CLCN2: variants seen among roughly 807,000 people sequenced by gnomAD.
The protein encoded by CLCN2 is chloride channel protein 2.
CLCN2 carries 72 observed loss-of-function variants against 108.3 expected under a neutral mutation model. The observed-to-expected ratio is 0.66, with a 90% CI of 0.55 to 0.81. CLCN2 has a LOEUF of 0.81. Ranked by LOEUF, CLCN2 falls within the 30% of genes least tolerant of loss-of-function variation. The pLI is 0.00. For synonymous variants in CLCN2, 471 were observed against 467.1 expected (o/e 1.01, Z -0.11); for missense variants, 1,048 against 1,205.2 (o/e 0.87, Z 1.93).
At position 184,358,191 on chromosome 3, in the gene CLCN2, G is replaced by A; in HGVS notation, c.472C>T (p.Gln158Ter). ...TTCTCTTCTAACATACCGACAGCCT[G>A]AGGGGCCAGGATCTGTGTGAATCCG... ...SAGFTQILAPQAVGSGIPEMK... is the reference protein window; with the variant it reads ...SAGFTQILAP Residue 158 changes from glutamine to a stop codon, truncating the protein, a stop_gained, in exon 4 of 24, where the codon CAG becomes TAG. Coordinates refer to ENST00000265593, the MANE Select transcript of CLCN2 (RefSeq NM_004366.6). LOFTEE classifies it high-confidence loss of function. 6.2e-7 allele frequency: 1 copy of A among 1,614,158 alleles called. No individual in the cohort carries two copies. The highest frequency in any genetic ancestry group is 1.3e-5 in the African/African-American group (1 of 75,034).
intron 22 of CLCN2, chr3:184,347,890 T>C (rs1193006656): frequency 1.3e-5 from 2 of 152,238 alleles, no homozygotes; most frequent in Non-Finnish European, 2.9e-5. Flanking sequence ...CAGTTCTCCT[T>C]ATGCTTTAAG....
chr3:184,347,007 G>C lies in CLCN2; in HGVS notation c.2430C>G (p.Phe810Leu). Residue 810 changes from phenylalanine to leucine, a missense_variant, in exon 23 of 24, where the codon TTC becomes TTG. By Grantham distance (22) the Phe-to-Leu change is conservative (BLOSUM62 0). Coordinates refer to ENST00000265593, the MANE Select transcript of CLCN2 (RefSeq NM_004366.6). ...RTSLHKTHTI[F>L]SLLGVDHAYV... Reference sequence around the variant, plus strand: ...AAGCATGGTCCACTCCCAGCAGTGAGAAGATAGTGTGAGTCTGCAGTGTGG... The same window carrying C: ...AAGCATGGTCCACTCCCAGCAGTGACAAGATAGTGTGAGTCTGCAGTGTGG... The C allele has an allele frequency of 1.2e-6, 2 of 1,613,948 alleles. No homozygotes were observed. Among genetic ancestry groups the C allele is most frequent in the Non-Finnish European group, 1.7e-6 (2 of 1,179,814 alleles).
intron 22 of CLCN2, 134 bp downstream of exon 22, chr3:184,351,879 A>G (rs1728123857): frequency 2.6e-6 from 2 of 759,762 alleles, no homozygotes; most frequent in Non-Finnish European, 4.8e-6. Flanking sequence ...TGTCTAAAAA[A>G]CATCTCCGCA....
At position 184,352,982 on chromosome 3, in the gene CLCN2, G is replaced by C. The variant is rs377140170; in HGVS notation, c.2143+51C>G. ...ACAGGGCTGGGCAGGGACTCTAATG[G>C]ATCTCAGTAGCTTGGCTGAGGCTCT... is the stretch of plus-strand genomic sequence containing the variant. On this transcript the variant is annotated intron_variant, in intron 18 of 23. Coordinates refer to ENST00000265593, the MANE Select transcript of CLCN2 (RefSeq NM_004366.6). The C allele has an allele frequency of 2.5e-6, 4 of 1,571,458 alleles. No homozygotes were observed. In the East Asian group the frequency reaches 9.0e-5, roughly 35 times the overall value.
rs757243632 is a variant in CLCN2 at position 184,354,595 on chromosome 3, G to C, written c.1460C>G (p.Thr487Arg). The change falls in exon 14 of 24, where the codon ACG becomes AGG. Residue 487 changes from threonine (T) to arginine (R), a missense_variant. Thr to Arg is a moderately conservative substitution (Grantham distance 71). Coordinates refer to ENST00000265593, the MANE Select transcript of CLCN2 (RefSeq NM_004366.6). ...MAAWFPDGIH[T>R]DSSTYRIVPG... is the part of the protein sequence containing the mutation. ...CACAATCCGGTAGGTGCTGCTGTCCGTATGAATTCCATCTGGGAACCAGGC... is the reference window on the plus strand; with the variant it reads ...CACAATCCGGTAGGTGCTGCTGTCCCTATGAATTCCATCTGGGAACCAGGC... 4 of 1,612,706 alleles carry C rather than the reference G, an allele frequency of 2.5e-6. No homozygotes were observed. Among genetic ancestry groups the C allele is most frequent in the East Asian group, 2.2e-5 (1 of 44,794 alleles).
In CLCN2 at chr3:184,358,722, G is replaced by A. The variant is rs1374464528; in HGVS notation, c.312C>T (p.Val104=). Residue 104 remains valine (V), a synonymous_variant, in exon 3 of 24, where the codon GTC becomes GTT. Coordinates refer to ENST00000265593, the MANE Select transcript of CLCN2 (RefSeq NM_004366.6). The stretch of plus-strand genomic sequence containing the variant: ...CAATGGCATAGTCCATGACCCAGCT[G>A]ACCAATGCCATGAGAAGCCCCAGCA... ...LVLLGLLMAL[V]SWVMDYAIAA... The A allele has an allele frequency of 1.3e-6, 2 of 1,593,274 alleles. No individual in the cohort carries two copies.
In CLCN2 at chr3:184,352,125, G is replaced by A. The variant is rs766782482; in HGVS notation, c.2311-8C>T. On this transcript the variant is annotated splice_polypyrimidine_tract_variant and splice_region_variant and intron_variant, in intron 21 of 23. Coordinates refer to ENST00000265593, the MANE Select transcript of CLCN2 (RefSeq NM_004366.6). ...CTCCTCCCACTCCAGAATCTGAGGG[G>A]AAGAGACTATGAGGTTTAGGGAGAA... 3.7e-6 allele frequency: 6 copies of A among 1,611,006 alleles called. No homozygotes were observed. The highest frequency in any genetic ancestry group is 1.3e-5 in the African/African-American group (1 of 74,828).
chr3:184,357,211 C>G lies in CLCN2; in HGVS notation c.954G>C (p.Leu318=), dbSNP rs773715723. 6.2e-7 allele frequency: 1 copy of G among 1,614,010 alleles called. No homozygotes were observed. The highest frequency in any genetic ancestry group is 1.1e-5 in the South Asian group (1 of 91,082). The change falls in exon 9 of 24, where the codon CTG becomes CTC. Residue 318 remains leucine (L), a synonymous_variant. Transcript: ENST00000265593. ...TGACAGCAAAGGCTGGCAGCTCCTG[C>G]AGGTCAAAGGGGAAGTCGAGCCGGA... ...TRFRLDFPFD[L]QELPAFAVIG...
rs1728619973 is a variant in CLCN2 at position 184,357,226 on chromosome 3, G to A, written c.939C>T (p.Asp313=). ...TALFKTRFRL[D]FPFDLQELPA... is the part of the protein sequence containing the mutation. ...GCAGCTCCTGCAGGTCAAAGGGGAA[G>A]TCGAGCCGGAATCGGGTTTTGAAGA... The change falls in exon 9 of 24, where the codon GAC becomes GAT. Residue 313 remains aspartate, a synonymous_variant. Coordinates refer to ENST00000265593, the MANE Select transcript of CLCN2 (RefSeq NM_004366.6). 1 of 1,614,062 alleles carries A rather than the reference G, an allele frequency of 6.2e-7. No individual in the cohort carries two copies. The highest frequency in any genetic ancestry group is 8.5e-7 in the Non-Finnish European group (1 of 1,180,040).
At position 184,357,998 on chromosome 3, in the gene CLCN2, G is replaced by T; in HGVS notation, c.579C>A (p.Thr193=). The T allele has an allele frequency of 1.2e-6, 2 of 1,614,092 alleles. No homozygotes were observed. The highest frequency in any genetic ancestry group is 1.7e-6 in the Non-Finnish European group (2 of 1,180,044). ...KTFIAKVIGL[T]CALGSGMPLG... ...GCGGCATCCCGCTGCCTAGGGCGCA[G>T]GTCAGCCCAATGACCTTAGCTATAA... The change falls in exon 5 of 24, where the codon ACC becomes ACA. Residue 193 remains threonine, a synonymous_variant. Transcript: ENST00000265593.
Position 184,354,212 on chromosome 3 carries a change from G to A in CLCN2, c.1610C>T (p.Ala537Val). 2 of 1,613,462 alleles carry A rather than the reference G, an allele frequency of 1.2e-6. No homozygotes were observed. The highest frequency in any genetic ancestry group is 1.7e-6 in the Non-Finnish European group (2 of 1,179,978). ...QIAHILPVMI[A>V]VILANAVAQS... is the part of the protein sequence containing the mutation. ...GGCGACAGCGTTGGCCAGGATGACG[G>A]CGATCATGACAGGCAGGATGTGGGC... Residue 537 changes from alanine to valine, a missense_variant, in exon 15 of 24, where the codon GCC becomes GTC. Physicochemically the swap from Ala to Val is moderately conservative, Grantham distance 64. Coordinates refer to ENST00000265593, the MANE Select transcript of CLCN2 (RefSeq NM_004366.6).
chr3:184,348,055 G>C (rs1280330169), intron 22 of CLCN2: 1 of 152,186 alleles, frequency 6.6e-6, no homozygotes, highest in Non-Finnish European at 1.5e-5. Context: ...ACAGCTTCTT[G>C]TGTACCAATT....
At position 184,358,983 on chromosome 3, in the gene CLCN2, C is replaced by G. The variant is rs768738193; in HGVS notation, c.212G>C (p.Arg71Pro). The change falls in exon 2 of 24, where the codon CGA becomes CCA. Residue 71 changes from arginine to proline, a missense_variant. Physicochemically the swap from Arg to Pro is moderately radical, Grantham distance 103. Transcript: ENST00000265593. ...CCCACCCCAGTTCTCACCGCGGCAT[C>G]GGGCGCAACGGCTCCGTCCATATTC... Reference protein sequence around the residue: ...LLEYGRSRCARCRVCSVRCHK... With the variant: ...LLEYGRSRCAPCRVCSVRCHK... 1.9e-6 allele frequency: 3 copies of G among 1,613,378 alleles called. No individual in the cohort carries two copies. The highest frequency in any genetic ancestry group is 2.5e-6 in the Non-Finnish European group (3 of 1,180,004).
chr3:184,354,671 G>A lies in CLCN2; in HGVS notation c.1397-13C>T, dbSNP rs73189624. 0.29 allele frequency: 402,433 copies of A among 1,393,752 alleles called. 56,979 individuals carry two copies. The highest frequency in any genetic ancestry group is 0.32 in the Non-Finnish European group (330,483 of 1,020,822). The allele number at this position is 1,393,752 out of a possible 1,614,324, so 86.3% of individuals were successfully genotyped here. A position where few individuals can be genotyped will look rare whatever the true frequency, so the allele number is the denominator to read the frequency against. On this transcript the variant is annotated splice_polypyrimidine_tract_variant and intron_variant, in intron 13 of 23. Coordinates refer to ENST00000265593, the MANE Select transcript of CLCN2 (RefSeq NM_004366.6). The stretch of plus-strand genomic sequence containing the variant: ...CCAAATGCTGCTCCTTCAGGGAGGG[G>A]GGTGGGAAGAGAAAGAGGCAGTGGA...
At position 184,353,722 on chromosome 3, in the gene CLCN2, C is replaced by T. The variant is rs141242566; in HGVS notation, c.1795G>A (p.Asp599Asn). The change falls in exon 16 of 24, where the codon GAC becomes AAC. Residue 599 changes from aspartate (D) to asparagine (N), a missense_variant. Asp to Asn is a conservative substitution (Grantham distance 23). Transcript: ENST00000265593. ...PHVALSCTFR[D>N]LRLALHRTKG... ...GTCCTGTGCAGTGCCAAACGCAGGTCCCGGAAGGTGCAGCTGAGGGCCACA... is the reference window on the plus strand; with the variant it reads ...GTCCTGTGCAGTGCCAAACGCAGGTTCCGGAAGGTGCAGCTGAGGGCCACA... 1,196 of 1,609,662 alleles carry T rather than the reference C, an allele frequency of 7.4e-4. 4 individuals carry two copies. Among genetic ancestry groups the T allele is most frequent in the Non-Finnish European group, 9.6e-4 (1,129 of 1,178,434 alleles).
rs1371334247 is a variant in CLCN2 at position 184,353,037 on chromosome 3, G to T, written c.2139C>A (p.Pro713=). ...ACACAGGAGACATGGGCTTACCTGTGGGACTCTCTCCGAGGTTCCTGGTGA... is the reference window on the plus strand; with the variant it reads ...ACACAGGAGACATGGGCTTACCTGTTGGACTCTCTCCGAGGTTCCTGGTGA... ...PSVTRNLGES[P]TGSAESAGIA... is the part of the protein sequence containing the mutation. The change falls in exon 18 of 24, where the codon CCC becomes CCA. Residue 713 remains proline (P), a synonymous_variant. Transcript: ENST00000265593. 1 of 1,613,560 alleles carries T rather than the reference G, an allele frequency of 6.2e-7. No homozygotes were observed. Among genetic ancestry groups the T allele is most frequent in the South Asian group, 1.1e-5 (1 of 91,078 alleles).
chr3:184,355,849 G>A lies in CLCN2; in HGVS notation c.1086-71C>T. The A allele has an allele frequency of 3.3e-6, 4 of 1,219,846 alleles. No individual in the cohort carries two copies. The highest frequency in any genetic ancestry group is 4.8e-6 in the Non-Finnish European group (4 of 831,512). The allele number at this position is 1,219,846 out of a possible 1,614,324, so 75.6% of individuals were successfully genotyped here. On this transcript the variant is annotated intron_variant, in intron 10 of 23. Transcript: ENST00000265593. The surrounding 1 kb of genome is among the most constrained non-coding windows in gnomAD (Gnocchi z 6.3). ...GTGGCCTCGCATATCTCAGGGCTGA[G>A]GTCAGAGCAGAGCCTTGGCTCTTTC...
At chr3:184,350,656 C>T (rs570258764) in intron 22 of CLCN2, among the ~76,000 whole-genome samples, 3 of 152,178 alleles carry the variant, frequency 2.0e-5, no homozygotes, top group East Asian at 1.9e-4. Flanking sequence ...AGGCTGGTCT[C>T]GAACTGCTGA....
At chr3:184,359,183 C>G (rs776145929) in intron 1 of CLCN2, 52 bp from the exon 2 acceptor site, 2 of 1,607,448 alleles carry the variant, frequency 1.2e-6, no homozygotes, top group East Asian at 2.2e-5. Context: ...TGAGTGGGAA[C>G]GCAGGGAGAG....
Sources: allele counts gnomAD v4.1 joint callset (sites outside exome capture counted in the v4.1 genomes callset), GRCh38; gene constraint gnomAD v4.1.1; non-coding constraint Gnocchi (gnomAD v3.1); transcripts MANE v1.5; gene names NCBI Gene and HGNC (gene_info 2026-07-23, HGNC 2026-07-21).